Variants in RBFOX1 observed in about 807,000 individuals in gnomAD.
RBFOX1 encodes the protein RNA binding fox-1 homolog 1.
Under a neutral mutation model 57.7 loss-of-function variants are expected in RBFOX1, and 8 were observed. That is an observed-to-expected ratio of 0.14 (90% CI 0.08 to 0.25). The LOEUF (loss-of-function observed/expected upper bound fraction) is 0.25. Ranked by LOEUF, RBFOX1 falls within the 10% of genes least tolerant of loss-of-function variation. The pLI, the probability that RBFOX1 is intolerant of heterozygous loss-of-function variation, is 1.00. For synonymous variants in RBFOX1, 326 were observed against 222.4 expected, an observed-to-expected ratio of 1.47 and a Z score of -4.15; for missense variants, 611 against 548.5, an observed-to-expected ratio of 1.11 and a Z score of -1.14.
At chr16:7,690,247 C>G (rs550074514) in intron 14 of RBFOX1, among the ~76,000 whole-genome samples, 3 of 152,216 alleles carry the variant, frequency 2.0e-5, no homozygotes, top group East Asian at 1.9e-4. Flanking sequence ...CTCTATGAAT[C>G]TAAGGAGCAG....
rs375427293 is a variant in RBFOX1, at chr16:6,698,632, C to T, written c.-16+43982C>T. Among the ~76,000 whole-genome samples the T allele has an allele frequency of 7.9e-5, 12 of 152,246 alleles. No individual in the cohort carries two copies. The East Asian group carries it at 1.9e-3, about 25-fold the overall frequency. On this transcript the variant is annotated intron_variant, in intron 3 of 15. Coordinates refer to ENST00000550418, the MANE Select transcript of RBFOX1 (RefSeq NM_018723.4). ...TGCCACTTCTCCATCTGTTATTCAC[C>T]GAGGCAGACGTGGTGGGACCACCCC... is the stretch of plus-strand genomic sequence containing the variant.
At chr16:7,001,358 T>TTGTGTG (rs1186415071) in intron 3 of RBFOX1, among the ~76,000 whole-genome samples, 10 of 124,288 alleles carry the variant, frequency 8.0e-5, no homozygotes, top group South Asian at 2.8e-4. Context: ...GTGTGTGTGT[T>TTGTGTG]TGTGTGTATG....
At chr16:5,395,036 T>C (rs1330710175) in intron 1 of RBFOX1, among the ~76,000 whole-genome samples, 1 of 152,198 alleles carries the variant, frequency 6.6e-6, no homozygotes, top group Non-Finnish European at 1.5e-5. Flanking sequence ...TCAAGCCAGG[T>C]GCTCGACACC....
intron 5 of RBFOX1, among the ~76,000 whole-genome samples, chr16:7,569,971 T>C (rs576572101): frequency 6.6e-6 from 1 of 152,316 alleles, no homozygotes; most frequent in South Asian, 2.1e-4. Context: ...CCTTCACATG[T>C]CATTTTTTCA....
chr16:5,698,863 C>T (rs1168038887), intron 3 of RBFOX1, among the ~76,000 whole-genome samples: 5 of 152,156 alleles, frequency 3.3e-5, no homozygotes, highest in African/African-American at 1.2e-4. Context: ...GTTATAGCTA[C>T]ATCAGCTTTA....
intron 2 of RBFOX1, among the ~76,000 whole-genome samples, chr16:6,481,278 C>G (rs574408571): frequency 6.6e-6 from 1 of 152,166 alleles, no homozygotes; most frequent in Non-Finnish European, 1.5e-5. Context: ...TGTGGGCCTT[C>G]ATGTCCCTTT....
chr16:7,325,523 C>G (rs547759891), intron 4 of RBFOX1, among the ~76,000 whole-genome samples: 1 of 152,278 alleles, frequency 6.6e-6, no homozygotes, highest in South Asian at 2.1e-4. Context: ...ATAAGAACTT[C>G]CCATGGAACG....
At chr16:6,878,659 G>C (rs927685709) in intron 3 of RBFOX1, among the ~76,000 whole-genome samples, 1 of 152,162 alleles carries the variant, frequency 6.6e-6, no homozygotes, top group Non-Finnish European at 1.5e-5. Context: ...GTTAGCGTCA[G>C]TTTAATTCAA....
chr16:6,138,995 A>G (rs1267121527), intron 1 of RBFOX1, among the ~76,000 whole-genome samples: 1 of 152,228 alleles, frequency 6.6e-6, no homozygotes, highest in Non-Finnish European at 1.5e-5. Flanking sequence ...ATCAGGAGGC[A>G]GAGATTGTGG....
intron 4 of RBFOX1, among the ~76,000 whole-genome samples, chr16:7,434,268 G>C (rs2098704876): frequency 6.6e-6 from 1 of 151,950 alleles, no homozygotes. Flanking sequence ...TCAGAAGATC[G>C]AGACCATCCT....
intron 4 of RBFOX1, among the ~76,000 whole-genome samples, chr16:7,357,067 T>C (rs1164959980): frequency 6.6e-6 from 1 of 152,160 alleles, no homozygotes; most frequent in Non-Finnish European, 1.5e-5. Context: ...TGGAACATTC[T>C]GCATCAAGGT....
intron 3 of RBFOX1, among the ~76,000 whole-genome samples, chr16:6,855,046 G>A (rs1429860267): frequency 6.6e-6 from 1 of 151,954 alleles, no homozygotes; most frequent in Non-Finnish European, 1.5e-5. Context: ...GAGGTGGGTG[G>A]GAGGAGTAGG....
rs566981961 is a variant in RBFOX1, at chr16:5,801,547, G to C, written c.319-65756G>C. ...TGTCTCGACACAGGCGCGGGAGCTG[G>C]GGTGCATGCACGCGGGGATGAGTGG... On this transcript the variant is annotated intron_variant, in intron 3 of 19. Coordinates refer to the RBFOX1 transcript ENST00000641259. Among the ~76,000 whole-genome samples the C allele has an allele frequency of 2.0e-5, 3 of 152,206 alleles. No homozygotes were observed. The South Asian group carries it at 6.2e-4, about 32-fold the overall frequency.
At position 6,044,868 on chromosome 16, in the gene RBFOX1, C is replaced by G. The variant is rs376928805; in HGVS notation, c.-127+24876C>G. ...TGTTCCCTCATGTTTCTGTACTGTT[C>G]GCTGTTTTACCTTTAGAATGAGAGT... On this transcript the variant is annotated intron_variant, in intron 1 of 15. Transcript: ENST00000550418. 2.0e-5 allele frequency among the ~76,000 whole-genome samples: 3 copies of G among 152,172 alleles called. No homozygotes were observed. The South Asian group carries it at 6.2e-4, about 32-fold the overall frequency.
At chr16:7,157,312 A>G (rs2077358374) in intron 4 of RBFOX1, among the ~76,000 whole-genome samples, 1 of 152,218 alleles carries the variant, frequency 6.6e-6, no homozygotes, top group Non-Finnish European at 1.5e-5. Flanking sequence ...AATTCACAGG[A>G]CAAACTATCA....
At chr16:5,751,073 C>G (rs955461096) in intron 3 of RBFOX1, among the ~76,000 whole-genome samples, 1 of 152,128 alleles carries the variant, frequency 6.6e-6, no homozygotes, top group African/African-American at 2.4e-5. Flanking sequence ...AAACTTCTGA[C>G]CTGAAGAGAT....
intron 3 of RBFOX1, among the ~76,000 whole-genome samples, chr16:6,717,175 T>C (rs1410606378): frequency 6.6e-6 from 1 of 152,134 alleles, no homozygotes; most frequent in African/African-American, 2.4e-5. Context: ...GTCTATGGTA[T>C]TGTGTTACAG....
intron 4 of RBFOX1, among the ~76,000 whole-genome samples, chr16:5,969,429 A>G (rs1456826617): frequency 6.8e-6 from 1 of 148,086 alleles, no homozygotes; most frequent in Non-Finnish European, 1.5e-5. Context: ...CTCCTGCCTC[A>G]GCCTCCCAAG....
At chr16:7,694,827 A>G (rs2147721331) in intron 14 of RBFOX1, among the ~76,000 whole-genome samples, 1 of 152,304 alleles carries the variant, frequency 6.6e-6, no homozygotes, top group African/African-American at 2.4e-5. Context: ...GGGGTGGGGA[A>G]TAATGTTAAT....
Sources: gnomAD v4.1 joint callset for allele counts (sites outside exome capture counted in the v4.1 genomes callset) on GRCh38, gnomAD v4.1.1 for gene constraint, MANE v1.5 for transcripts, NCBI Gene and HGNC (gene_info 2026-07-23, HGNC 2026-07-21) for gene names.